WWP2: variants seen among roughly 807,000 people sequenced by gnomAD.
WWP2 encodes NEDD4-like E3 ubiquitin-protein ligase WWP2.
A neutral mutation model predicts 121.0 loss-of-function variants in WWP2; 57 were observed. That is an observed-to-expected ratio of 0.47 (90% CI 0.38 to 0.59). The LOEUF is 0.59. WWP2 is among the 20% of genes least tolerant of loss of function. WWP2 has a pLI of 0.00. For synonymous variants in WWP2, 449 were observed against 441.3 expected, an observed-to-expected ratio of 1.02 and a Z score of -0.22; for missense variants, 962 against 1,158.9, an observed-to-expected ratio of 0.83 and a Z score of 2.47.
chr16:69,931,326 T>C (rs2058708265), intron 14 of WWP2, 99 bp downstream of exon 14: 3 of 1,538,196 alleles, frequency 2.0e-6, no homozygotes, highest in African/African-American at 1.4e-5. Flanking sequence ...GTTTGTGTCT[T>C]AGGCGGGCGC....
At chr16:69,891,903 C>T (rs557484065) in intron 8 of WWP2, among the ~76,000 whole-genome samples, 21 of 152,362 alleles carry the variant, frequency 1.4e-4, no homozygotes, top group Admixed American at 3.3e-4. Flanking sequence ...GACATCCGTT[C>T]AGTCATCAAG....
At chr16:69,810,104 C>A (rs1253928508) in intron 4 of WWP2, among the ~76,000 whole-genome samples, 4 of 152,250 alleles carry the variant, frequency 2.6e-5, no homozygotes, top group African/African-American at 9.6e-5. Context: ...GTTGCCCTAA[C>A]TGACATTCTC....
At chr16:69,823,896 A>G (rs1313162625) in intron 4 of WWP2, among the ~76,000 whole-genome samples, 2 of 152,240 alleles carry the variant, frequency 1.3e-5, no homozygotes, top group East Asian at 3.8e-4. Flanking sequence ...CCTGTGGCAC[A>G]GGGGCGTTGG....
At position 69,939,178 on chromosome 16, in the gene WWP2, G is replaced by A. The variant is rs570928809; in HGVS notation, c.2440+55G>A. The A allele has an allele frequency of 1.9e-6, 3 of 1,567,250 alleles. No homozygotes were observed. In the African/African-American group the frequency reaches 4.1e-5, roughly 21 times the overall value. On this transcript the variant is annotated intron_variant, in intron 22 of 23. Transcript: ENST00000359154. Reference sequence around the variant, plus strand: ...GGCTGGCAGTGCGGACAGCTCAGAGGGAGGGGGAAACCTAGTCTCTTCCTG... The same window carrying A: ...GGCTGGCAGTGCGGACAGCTCAGAGAGAGGGGGAAACCTAGTCTCTTCCTG...
chr16:69,880,816 C>A (rs1021076100), intron 7 of WWP2, among the ~76,000 whole-genome samples: 26 of 152,188 alleles, frequency 1.7e-4, no homozygotes, highest in African/African-American at 6.0e-4. Context: ...GTAGAAAGAA[C>A]TTCTGTTGTT....
Position 69,888,228 on chromosome 16 carries a change from C to T in WWP2, c.893C>T (p.Ala298Val), listed in dbSNP as rs771920744. The change falls in exon 8 of 24, where the codon GCC (alanine) becomes GTC (valine). Residue 298 changes from alanine to valine, a missense_variant. Physicochemically the swap from Ala to Val is moderately conservative, Grantham distance 64. Coordinates refer to ENST00000359154, the MANE Select transcript of WWP2 (RefSeq NM_001270454.2). Reference sequence around the variant, plus strand: ...CAGCAGCTCCCAGCGGCTGCCCAGGCCCCCGACGCTCTGCCTGCTGGGTGA... The same window carrying T: ...CAGCAGCTCCCAGCGGCTGCCCAGGTCCCCGACGCTCTGCCTGCTGGGTGA... ...GTQQLPAAAQ[A>V]PDALPAGWEQ... The T allele has an allele frequency of 3.7e-6, 6 of 1,614,076 alleles. No homozygotes were observed. The highest frequency in any genetic ancestry group is 5.1e-6 in the Non-Finnish European group (6 of 1,180,004).
chr16:69,925,188 T>C lies in WWP2; in HGVS notation c.1180-242T>C. The C allele has an allele frequency of 7.5e-7, 1 of 1,333,050 alleles. No homozygotes were observed. The highest frequency in any genetic ancestry group is 1.9e-5 in the South Asian group (1 of 53,378). 82.6% of individuals were successfully genotyped at this position (1,333,050 alleles called of 1,614,324 possible). Reference sequence around the variant, plus strand: ...ACCGCCTCCTCCCCGTCGCTCTGCCTTTTCCAAAACTCACTTGGGCCCTCC... The same window carrying C: ...ACCGCCTCCTCCCCGTCGCTCTGCCCTTTCCAAAACTCACTTGGGCCCTCC... On this transcript the variant is annotated intron_variant, in intron 10 of 23. Transcript: ENST00000359154. The surrounding 1 kb of genome is among the most constrained non-coding windows in gnomAD (Gnocchi z 4.0).
At chr16:69,884,311 G>T (rs564028925) in intron 7 of WWP2, among the ~76,000 whole-genome samples, 1 of 152,248 alleles carries the variant, frequency 6.6e-6, no homozygotes, top group African/African-American at 2.4e-5. Context: ...AGCCAAGGAT[G>T]GGGACAATTT....
chr16:69,820,116 C>T (rs2056565343), intron 4 of WWP2, among the ~76,000 whole-genome samples: 2 of 152,238 alleles, frequency 1.3e-5, no homozygotes, highest in African/African-American at 4.8e-5. Context: ...ACCTGTAGTC[C>T]CAGCTACTCA....
intron 6 of WWP2, among the ~76,000 whole-genome samples, chr16:69,842,770 A>G (rs1429560721): frequency 6.6e-6 from 1 of 152,128 alleles, no homozygotes; most frequent in Non-Finnish European, 1.5e-5. Flanking sequence ...CCTGGGCTCA[A>G]GCAATCCACC....
intron 22 of WWP2, 92 bp downstream of exon 22, chr16:69,939,215 G>C: frequency 1.3e-6 from 2 of 1,558,452 alleles, no homozygotes; most frequent in Admixed American, 3.6e-5. Context: ...AAGCACGTCA[G>C]TGGGATGGAG....
At chr16:69,926,204 G>A (rs2058637515) in intron 11 of WWP2, 2 of 152,214 alleles carry the variant, frequency 1.3e-5, no homozygotes, top group African/African-American at 2.4e-5. Context: ...CTAGGAAAGA[G>A]TAGCCATGCA....
chr16:69,930,021 C>T (rs1940096804), intron 12 of WWP2, 109 bp from the exon 13 acceptor site: 2 of 1,512,934 alleles, frequency 1.3e-6, no homozygotes, highest in Non-Finnish European at 1.8e-6. Context: ...TCCTCAAAGT[C>T]CCTCATGGGC....
chr16:69,892,788 C>T (rs1423573596), intron 8 of WWP2, among the ~76,000 whole-genome samples: 1 of 152,218 alleles, frequency 6.6e-6, no homozygotes, highest in Non-Finnish European at 1.5e-5. Context: ...CCTGCCTTGG[C>T]CTTCCAAAGT....
At chr16:69,936,897 A>G (rs2058808368) in intron 19 of WWP2, 1 of 565,348 alleles carries the variant, frequency 1.8e-6, no homozygotes, top group Non-Finnish European at 3.1e-6. Flanking sequence ...CAGGAGCAGG[A>G]GGAGGTGGTG....
rs1597192046 is a variant in WWP2 at position 69,937,513 on chromosome 16, A to G, written c.2239-35A>G. The stretch of plus-strand genomic sequence containing the variant: ...GCGAGTGGACGATGCGCGGGGAGGG[A>G]CCTGCCGGGGATGCTGACTGCCGCC... On this transcript the variant is annotated intron_variant, in intron 20 of 23. Transcript: ENST00000359154. This position sits in a 1 kb window ranked among gnomAD's most constrained non-coding sequence, Gnocchi z 6.6. 6.2e-7 allele frequency: 1 copy of G among 1,608,576 alleles called. No individual in the cohort carries two copies. Among genetic ancestry groups the G allele is most frequent in the Non-Finnish European group, 8.5e-7 (1 of 1,175,644 alleles).
At chr16:69,873,973 T>G (rs923141151) in intron 7 of WWP2, among the ~76,000 whole-genome samples, 3 of 152,198 alleles carry the variant, frequency 2.0e-5, no homozygotes, top group East Asian at 3.9e-4. Flanking sequence ...AACCTTATGT[T>G]CTAGCAGACA....
At chr16:69,928,291 T>A (rs1391020146) in intron 11 of WWP2, among the ~76,000 whole-genome samples, 3 of 152,212 alleles carry the variant, frequency 2.0e-5, no homozygotes, top group Non-Finnish European at 4.4e-5. Flanking sequence ...AGAAGCAGAT[T>A]TGAAGGCTCA....
At position 69,931,194 on chromosome 16, in the gene WWP2, G is replaced by A. The variant is rs1419866665; in HGVS notation, c.1488G>A (p.Arg496=). The A allele has an allele frequency of 1.9e-6, 3 of 1,614,170 alleles. No individual in the cohort carries two copies. Among genetic ancestry groups the A allele is most frequent in the African/African-American group, 1.3e-5 (1 of 75,030 alleles). Reference sequence around the variant, plus strand: ...CTGGTGCTTATGACCGCAGTTTTCGGTGGAAGTATCACCAGTTCCGTTTCC... The same window carrying A: ...CTGGTGCTTATGACCGCAGTTTTCGATGGAAGTATCACCAGTTCCGTTTCC... ...GSPGAYDRSF[R]WKYHQFRFLC... The change falls in exon 14 of 24, where the codon CGG becomes CGA. Residue 496 remains arginine (R), a synonymous_variant. Transcript: ENST00000359154.
Sources: gnomAD v4.1 joint callset for allele counts (sites outside exome capture counted in the v4.1 genomes callset) on GRCh38, gnomAD v4.1.1 for gene constraint, Gnocchi (gnomAD v3.1) non-coding constraint, MANE v1.5 for transcripts, NCBI Gene and HGNC (gene_info 2026-07-23, HGNC 2026-07-21) for gene names.